PCDHGB5: variants seen among roughly 807,000 people sequenced by gnomAD.
PCDHGB5 encodes the protein protocadherin gamma-B5.
A neutral mutation model predicts 62.9 loss-of-function variants in PCDHGB5; 48 were observed. The observed-to-expected ratio is 0.76, with a 90% CI of 0.61 to 0.97. The LOEUF (loss-of-function observed/expected upper bound fraction) is 0.97, where lower values mean the gene tolerates loss of function less well. Ranked by LOEUF, PCDHGB5 falls within the 50% of genes least tolerant of loss-of-function variation. The pLI is 0.00. For missense variants in PCDHGB5, 1,118 were observed against 1,198.6 expected (o/e 0.93, Z 0.99); for synonymous variants, 474 against 511.2 (o/e 0.93, Z 0.98).
chr5:141,419,926 G>A lies in PCDHGB5; in HGVS notation c.2397+19402G>A. 3 of 1,614,096 alleles carry A rather than the reference G, an allele frequency of 1.9e-6. No homozygotes were observed. In the South Asian group the frequency reaches 3.3e-5, roughly 18 times the overall value. On this transcript the variant is annotated intron_variant, in intron 1 of 3. Transcript: ENST00000617380. ...CCTCTGACTCCCAGGCTGAGATGCA[G>A]TTTTACCTGGTGGTGGCCTTGGCCT... is the stretch of plus-strand genomic sequence containing the variant.
intron 1 of PCDHGB5, chr5:141,421,732 C>T: frequency 6.2e-7 from 1 of 1,613,934 alleles, no homozygotes; most frequent in Non-Finnish European, 8.5e-7. Flanking sequence ...GAACTCCCTC[C>T]AGAGCTACCA....
At chr5:141,409,437 G>A in intron 1 of PCDHGB5, 1 of 1,613,968 alleles carries the variant, frequency 6.2e-7, no homozygotes, top group Non-Finnish European at 8.5e-7. Context: ...GCCCTGGACC[G>A]AGAGCAGACA....
chr5:141,428,430 GA>G, intron 1 of PCDHGB5: 1 of 421,748 alleles, frequency 2.4e-6, no homozygotes. Flanking sequence ...TCTGTTCTAA[GA>G]CTAGACCAGG....
intron 3 of PCDHGB5, among the ~76,000 whole-genome samples, chr5:141,509,015 C>T (rs1370464396): frequency 6.6e-6 from 1 of 152,098 alleles, no homozygotes; most frequent in East Asian, 1.9e-4. Flanking sequence ...AAGTGGGCAG[C>T]TGCTCCCTCC....
chr5:141,404,722 G>C (rs1335640902), intron 1 of PCDHGB5: 2 of 1,614,138 alleles, frequency 1.2e-6, no homozygotes, highest in South Asian at 1.1e-5. Flanking sequence ...TGGTGACCAA[G>C]GTGGTGGCAG....
chr5:141,483,872 T>A (rs1373802168), intron 1 of PCDHGB5, among the ~76,000 whole-genome samples: 1 of 152,080 alleles, frequency 6.6e-6, no homozygotes, highest in African/African-American at 2.4e-5. Context: ...CAGATCAGGA[T>A]GGATTTTTCT....
At chr5:141,458,437 C>T (rs777855535) in intron 1 of PCDHGB5, among the ~76,000 whole-genome samples, 1 of 152,026 alleles carries the variant, frequency 6.6e-6, no homozygotes, top group Non-Finnish European at 1.5e-5. Flanking sequence ...AGAGGAGGTC[C>T]CCCACATTAA....
chr5:141,405,005 G>C (rs1358521218), intron 1 of PCDHGB5: 7 of 1,613,830 alleles, frequency 4.3e-6, no homozygotes, highest in African/African-American at 2.7e-5. Context: ...TGCAGACCTG[G>C]AGGCCTCAGA....
intron 1 of PCDHGB5, among the ~76,000 whole-genome samples, chr5:141,448,451 C>T (rs1261733103): frequency 6.6e-6 from 1 of 152,032 alleles, no homozygotes; most frequent in Admixed American, 6.6e-5. Context: ...GACTTCCATC[C>T]CTATCCTACT....
chr5:141,491,390 T>G lies in PCDHGB5; in HGVS notation c.2398-3417T>G. 1 of 1,614,130 alleles carries G rather than the reference T, an allele frequency of 6.2e-7. No individual in the cohort carries two copies. Among genetic ancestry groups the G allele is most frequent in the Admixed American group, 1.7e-5 (1 of 60,028 alleles). ...TTCACCTTTCTGTCAGCGAAGTGCC[T>G]TCAGGGAAACGCAGACGGGGACGGG... On this transcript the variant is annotated intron_variant, in intron 1 of 3. Transcript: ENST00000617380. The surrounding 1 kb of genome is among the most constrained non-coding windows in gnomAD (Gnocchi z 6.9).
Position 141,431,706 on chromosome 5 carries a change from AG to A in PCDHGB5, c.2397+31183del. The A allele has an allele frequency of 6.2e-7, 1 of 1,614,248 alleles. No homozygotes were observed. The highest frequency in any genetic ancestry group is 8.5e-7 in the Non-Finnish European group (1 of 1,180,048). ...GACCACGAGGAGTCAGGATTCTACC[AG>A]ATGGAAGTGCAAGCAATGGATAATG... On this transcript the variant is annotated intron_variant, in intron 1 of 3. Coordinates refer to ENST00000617380, the MANE Select transcript of PCDHGB5 (RefSeq NM_018925.3). This position sits in a 1 kb window ranked among gnomAD's most constrained non-coding sequence, Gnocchi z 4.8.
chr5:141,408,290 A>T (rs767669019), intron 1 of PCDHGB5: 80 of 1,613,008 alleles, frequency 5.0e-5, no homozygotes, highest in Non-Finnish European at 6.1e-5. Context: ...CCCCACCCTG[A>T]GTGAGCCGAT....
In PCDHGB5 at chr5:141,433,056, G is replaced by T. The variant is rs1422450948; in HGVS notation, c.2397+32532G>T. ...TCCCTCACCACGGACTCGCGGAAGA[G>T]TCACCTGATCTTCCCCCAGCCCAAC... On this transcript the variant is annotated intron_variant, in intron 1 of 3. Coordinates refer to ENST00000617380, the MANE Select transcript of PCDHGB5 (RefSeq NM_018925.3). The T allele has an allele frequency of 6.8e-6, 11 of 1,614,086 alleles. No homozygotes were observed. In the South Asian group the frequency reaches 1.1e-4, roughly 16 times the overall value.
Position 141,490,387 on chromosome 5 carries a change from G to C in PCDHGB5, c.2398-4420G>C. 2 of 1,614,196 alleles carry C rather than the reference G, an allele frequency of 1.2e-6. No individual in the cohort carries two copies. The highest frequency in any genetic ancestry group is 1.7e-6 in the Non-Finnish European group (2 of 1,180,034). On this transcript the variant is annotated intron_variant, in intron 1 of 3. Transcript: ENST00000617380. This position sits in a 1 kb window ranked among gnomAD's most constrained non-coding sequence, Gnocchi z 5.4. ...GCGAGACCGGGACTCAGGTAGAAATGGTGAAGTGAGCCTTGATATCTCTCC... is the reference window on the plus strand; with the variant it reads ...GCGAGACCGGGACTCAGGTAGAAATCGTGAAGTGAGCCTTGATATCTCTCC...
At position 141,421,580 on chromosome 5, in the gene PCDHGB5, A is replaced by G. The variant is rs375319424; in HGVS notation, c.2397+21056A>G. ...CTCGTGGAAGACACCTTGAAGATTT[A>G]CGGAGTGGAGGTGGAAATAATAGAT... On this transcript the variant is annotated intron_variant, in intron 1 of 3. Transcript: ENST00000617380. The G allele has an allele frequency of 1.1e-5, 17 of 1,613,782 alleles. No individual in the cohort carries two copies. In the East Asian group the frequency reaches 2.7e-4, roughly 25 times the overall value.
chr5:141,498,254 G>A (rs550611179), intron 2 of PCDHGB5, among the ~76,000 whole-genome samples: 2 of 152,338 alleles, frequency 1.3e-5, no homozygotes, highest in East Asian at 3.9e-4. Context: ...AGCAGGGCTG[G>A]TGTTGAGTTC....
In PCDHGB5 at chr5:141,454,796, A is replaced by ATTTTTTTTTTTTTTTTTTT. The variant is rs61612330; in HGVS notation, c.2398-40000_2398-39982dup. Among the ~76,000 whole-genome samples the ATTTTTTTTTTTTTTTTTTT allele has an allele frequency of 2.8e-4, 22 of 77,458 alleles. 2 individuals are homozygous for ATTTTTTTTTTTTTTTTTTT. Among genetic ancestry groups the ATTTTTTTTTTTTTTTTTTT allele is most frequent in the East Asian group, 4.0e-4 (1 of 2,512 alleles). The allele number at this position is 77,458 out of a possible 152,430, so 50.8% of individuals were successfully genotyped here. The stretch of plus-strand genomic sequence containing the variant: ...AAGGAAATAATCCTCCATGGTTCTA[A>ATTTTTTTTTTTTTTTTTTT]TTTTTTTTTTTTTTTTTTTTTTTTT... On this transcript the variant is annotated intron_variant, in intron 1 of 3. Coordinates refer to ENST00000617380, the MANE Select transcript of PCDHGB5 (RefSeq NM_018925.3).
At chr5:141,500,348 A>G (rs2099799436) in intron 2 of PCDHGB5, among the ~76,000 whole-genome samples, 1 of 151,950 alleles carries the variant, frequency 6.6e-6, no homozygotes, top group Non-Finnish European at 1.5e-5. Context: ...AGCTGGGACT[A>G]CAGGCGCCCA....
intron 1 of PCDHGB5, among the ~76,000 whole-genome samples, chr5:141,437,486 G>A (rs530079212): frequency 2.6e-5 from 4 of 152,224 alleles, no homozygotes; most frequent in South Asian, 2.1e-4. Flanking sequence ...ATTTAATCTC[G>A]TAGATCACTT....
Sources: allele counts gnomAD v4.1 joint callset (sites outside exome capture counted in the v4.1 genomes callset), GRCh38; gene constraint gnomAD v4.1.1; non-coding constraint Gnocchi (gnomAD v3.1); transcripts MANE v1.5; gene names NCBI Gene and HGNC (gene_info 2026-07-23, HGNC 2026-07-21).